The following MTHFD1L variants were observed in gnomAD, a reference collection of about 807,000 sequenced individuals.
MTHFD1L encodes monofunctional C1-tetrahydrofolate synthase, mitochondrial.
In MTHFD1L, 81 loss-of-function variants were observed where a neutral mutation model predicts 119.5. The ratio of observed to expected loss-of-function variants is 0.68; its 90% CI spans 0.57 to 0.82. The LOEUF (loss-of-function observed/expected upper bound fraction) is 0.82, where lower values mean the gene tolerates loss of function less well. Among genes scored for constraint, MTHFD1L ranks in the 40% least tolerant of loss-of-function variants. The pLI is 0.00. For missense variants in MTHFD1L, 1,125 were observed against 1,253.4 expected (o/e 0.90, Z 1.55); for synonymous variants, 430 against 475.2 (o/e 0.90, Z 1.24).
At chr6:151,087,015 C>T (rs1376213201) in intron 26 of MTHFD1L, among the ~76,000 whole-genome samples, 4 of 151,964 alleles carry the variant, frequency 2.6e-5, no homozygotes, top group South Asian at 2.1e-4. Flanking sequence ...TTTGGGAGGC[C>T]GAGGCAGACG....
At chr6:150,938,304 C>T (rs762991489) in intron 12 of MTHFD1L, among the ~76,000 whole-genome samples, 54 of 152,350 alleles carry the variant, frequency 3.5e-4, no homozygotes, top group Non-Finnish European at 2.9e-4. Flanking sequence ...AGGCATGAGC[C>T]ACCTCGCCCA....
At chr6:151,080,261 A>T (rs1793017806) in intron 26 of MTHFD1L, among the ~76,000 whole-genome samples, 1 of 152,192 alleles carries the variant, frequency 6.6e-6, no homozygotes, top group Non-Finnish European at 1.5e-5. Flanking sequence ...GAGAAACCGA[A>T]AGAGAAGTGA....
chr6:151,021,161 T>C (rs1783890762), intron 24 of MTHFD1L, among the ~76,000 whole-genome samples: 1 of 152,138 alleles, frequency 6.6e-6, no homozygotes. Flanking sequence ...GCATCCTCAT[T>C]TGTACAATGG....
chr6:150,935,896 A>AT (rs1318813270), intron 11 of MTHFD1L, among the ~76,000 whole-genome samples: 13 of 151,716 alleles, frequency 8.6e-5, no homozygotes, highest in Non-Finnish European at 1.8e-4. Context: ...GAAAAAAAAA[A>AT]TTTTTAACAA....
At chr6:150,888,770 C>G (rs770309399) in intron 7 of MTHFD1L, among the ~76,000 whole-genome samples, 3 of 152,114 alleles carry the variant, frequency 2.0e-5, no homozygotes, top group South Asian at 2.1e-4. Flanking sequence ...TATGCACTTA[C>G]AGTAATTAGG....
chr6:150,969,590 G>T (rs1797741535), intron 19 of MTHFD1L, among the ~76,000 whole-genome samples: 1 of 151,118 alleles, frequency 6.6e-6, no homozygotes, highest in Non-Finnish European at 1.5e-5. Flanking sequence ...GAATTCTTCA[G>T]ACTACTTTAC....
At chr6:151,099,918 C>T (rs940476809) in intron 27 of MTHFD1L, 53 of 1,272,162 alleles carry the variant, frequency 4.2e-5, no homozygotes, top group African/African-American at 2.4e-4. Context: ...GGCTGTGCAG[C>T]GAAGAAAATG....
intron 26 of MTHFD1L, among the ~76,000 whole-genome samples, chr6:151,077,740 C>T (rs1225266028): frequency 3.3e-5 from 5 of 151,332 alleles, no homozygotes; most frequent in Non-Finnish European, 7.4e-5. Context: ...ATACTGGAGG[C>T]TAGATTACAA....
chr6:150,992,470 A>G (rs1467225411), intron 20 of MTHFD1L, among the ~76,000 whole-genome samples: 1 of 152,226 alleles, frequency 6.6e-6, no homozygotes, highest in Non-Finnish European at 1.5e-5. Flanking sequence ...CGCATGGGAT[A>G]CTGAACTCAG....
At chr6:151,041,015 C>G (rs1486257290) in intron 26 of MTHFD1L, among the ~76,000 whole-genome samples, 2 of 152,214 alleles carry the variant, frequency 1.3e-5, no homozygotes, top group African/African-American at 4.8e-5. Context: ...ATTATCTGGT[C>G]TTCTCAGCCC....
chr6:151,003,552 G>A (rs1170588087), intron 20 of MTHFD1L, among the ~76,000 whole-genome samples: 2 of 151,782 alleles, frequency 1.3e-5, no homozygotes, highest in African/African-American at 4.8e-5. Flanking sequence ...AGGGGGGAAA[G>A]GTCAGAAAGA....
intron 26 of MTHFD1L, among the ~76,000 whole-genome samples, chr6:151,042,909 G>A (rs1252921381): frequency 6.6e-6 from 1 of 152,174 alleles, no homozygotes; most frequent in Non-Finnish European, 1.5e-5. Flanking sequence ...TAAACTGCAA[G>A]TGCTTGGGGA....
At chr6:151,072,297 T>C (rs1792035694) in intron 26 of MTHFD1L, among the ~76,000 whole-genome samples, 1 of 152,224 alleles carries the variant, frequency 6.6e-6, no homozygotes, top group Non-Finnish European at 1.5e-5. Flanking sequence ...TTGGACTTTT[T>C]ATTAATTTTA....
chr6:150,888,028 C>A (rs370220163), intron 7 of MTHFD1L, 47 bp downstream of exon 7: 225 of 1,537,090 alleles, frequency 1.5e-4, no homozygotes, highest in Non-Finnish European at 1.9e-4. Flanking sequence ...TCTGTTAGAA[C>A]AGAAGAAAGT....
chr6:150,910,696 C>T (rs992317065), intron 8 of MTHFD1L, among the ~76,000 whole-genome samples: 5 of 152,150 alleles, frequency 3.3e-5, no homozygotes, highest in Non-Finnish European at 5.9e-5. Context: ...GGAGGAATGA[C>T]TGAGATGATA....
chr6:150,932,874 AGAAGGAAG>A lies in MTHFD1L; in HGVS notation c.1257-3914_1257-3907del, dbSNP rs55963703. On this transcript the variant is annotated intron_variant, in intron 11 of 27. Coordinates refer to ENST00000367321, the MANE Select transcript of MTHFD1L (RefSeq NM_015440.5). ...AGAGTAATTAGATTACCTTAAGGAA[AGAAGGAAG>A]GAAGGAAGGAAGGAAAAGAGAGAAA... 3.5e-4 allele frequency among the ~76,000 whole-genome samples: 51 copies of A among 145,098 alleles called. No individual in the cohort carries two copies. In the South Asian group the frequency reaches 5.6e-3, roughly 16 times the overall value.
intron 20 of MTHFD1L, among the ~76,000 whole-genome samples, chr6:151,009,616 C>T (rs35598624): frequency 0.034 from 5,161 of 152,092 alleles, 312 homozygotes; most frequent in African/African-American, 0.12. Flanking sequence ...TCAGGCCTGG[C>T]GGTGGGAAGC....
At chr6:150,923,459 G>T (rs1204594575) in intron 10 of MTHFD1L, among the ~76,000 whole-genome samples, 1 of 151,126 alleles carries the variant, frequency 6.6e-6, no homozygotes, top group Non-Finnish European at 1.5e-5. Flanking sequence ...ATCCAGCAAC[G>T]TTGGAATGCA....
chr6:150,997,857 A>C (rs988044181), intron 20 of MTHFD1L, among the ~76,000 whole-genome samples: 2 of 152,190 alleles, frequency 1.3e-5, no homozygotes, highest in African/African-American at 4.8e-5. Flanking sequence ...TTTGTACCAA[A>C]ACTGAGCAGA....
Sources: gnomAD v4.1 joint callset for allele counts (sites outside exome capture counted in the v4.1 genomes callset) on GRCh38, gnomAD v4.1.1 for gene constraint, MANE v1.5 for transcripts, NCBI Gene and HGNC (gene_info 2026-07-23, HGNC 2026-07-21) for gene names.